SQLE: variants seen among roughly 807,000 people sequenced by gnomAD.
The protein encoded by SQLE is squalene monooxygenase.
SQLE carries 29 observed loss-of-function variants against 60.7 expected under a neutral mutation model. That is an observed-to-expected ratio of 0.48 (90% CI 0.36 to 0.65). SQLE has a LOEUF of 0.65. Ranked by LOEUF, SQLE falls within the 30% of genes least tolerant of loss-of-function variation. SQLE has a pLI of 0.00. For synonymous variants in SQLE, 237 were observed against 246.8 expected (o/e 0.96, Z 0.37); for missense variants, 605 against 684.1 (o/e 0.88, Z 1.29).
chr8:125,014,749 T>C (rs1480889147), intron 7 of SQLE, among the ~76,000 whole-genome samples: 1 of 152,248 alleles, frequency 6.6e-6, no homozygotes, highest in African/African-American at 2.4e-5. Flanking sequence ...GATTTCTAGT[T>C]TTATTCCACT....
chr8:125,009,960 A>G (rs1302080187), intron 6 of SQLE, among the ~76,000 whole-genome samples: 1 of 152,206 alleles, frequency 6.6e-6, no homozygotes, highest in African/African-American at 2.4e-5. Context: ...TGGTTTTTGT[A>G]GTAATGACAG....
Position 125,008,984 on chromosome 8 carries a change from C to A in SQLE, c.836C>A (p.Pro279Gln). 1 of 1,582,552 alleles carries A rather than the reference C, an allele frequency of 6.3e-7. No individual in the cohort carries two copies. The part of the protein sequence containing the change: ...ETGDIKELHA[P>Q]LTVVADGLFS... ...TTTCTGTTATAGGAACTCCATGCTC[C>A]ACTGACTGTTGTTGCAGATGGGCTT... The change falls in exon 5 of 11, where the codon CCA (proline) becomes CAA (glutamine). Residue 279 changes from proline (P) to glutamine (Q), a missense_variant. Transcript: ENST00000265896.
chr8:125,003,192 A>G lies in SQLE; in HGVS notation c.308A>G (p.Asn103Ser), dbSNP rs756941260. 6.8e-6 allele frequency: 11 copies of G among 1,609,694 alleles called. No individual in the cohort carries two copies. Among genetic ancestry groups the G allele is most frequent in the Non-Finnish European group, 3.4e-6 (4 of 1,178,506 alleles). ...LEARRRRKGT[N>S]ISETSLIGTA... is the part of the protein sequence containing the mutation. ...TTTAAACAGCGCAGAAAAGGAACCA[A>G]TATTTCAGAAACAAGCTTAATAGGA... The change falls in exon 2 of 11, where the codon AAT becomes AGT. Residue 103 changes from asparagine (N) to serine (S), a missense_variant. Coordinates refer to ENST00000265896, the MANE Select transcript of SQLE (RefSeq NM_003129.4).
intron 7 of SQLE, among the ~76,000 whole-genome samples, chr8:125,017,279 A>G (rs911849106): frequency 4.6e-5 from 7 of 151,904 alleles, no homozygotes; most frequent in African/African-American, 1.7e-4. Flanking sequence ...GAAACTTAGG[A>G]ATCTACTTGG....
intron 9 of SQLE, among the ~76,000 whole-genome samples, chr8:125,019,896 G>T (rs1052729844): frequency 3.9e-5 from 6 of 151,990 alleles, no homozygotes; most frequent in African/African-American, 1.4e-4. Flanking sequence ...AATCTCACTG[G>T]TTATGATTTT....
intron 7 of SQLE, 149 bp from the exon 8 acceptor site, chr8:125,017,910 C>T: frequency 2.0e-6 from 2 of 978,770 alleles, no homozygotes; most frequent in Non-Finnish European, 1.5e-6. Flanking sequence ...ATTTTTGCCT[C>T]AGCAAATTTT....
chr8:125,013,932 T>C (rs1264164154), intron 7 of SQLE, among the ~76,000 whole-genome samples: 1 of 152,228 alleles, frequency 6.6e-6, no homozygotes, highest in Non-Finnish European at 1.5e-5. Context: ...TGCATTTCTT[T>C]TGTTAAATTT....
chr8:125,008,632 G>C (rs1814994620), intron 4 of SQLE, among the ~76,000 whole-genome samples: 2 of 152,198 alleles, frequency 1.3e-5, no homozygotes, highest in South Asian at 2.1e-4. Flanking sequence ...AATCTGGCTA[G>C]TCCCTTGAAT....
Position 124,999,319 on chromosome 8 carries a change from G to T in SQLE, c.-85G>T. On this transcript the variant is annotated 5_prime_UTR_variant, in exon 1 of 11. Coordinates refer to ENST00000265896, the MANE Select transcript of SQLE (RefSeq NM_003129.4). ...CTGGCCGGCTCTCCGTGCTCCTCTTGGTACCTCATTTTGGGGAGAACCTTA... is the reference window on the plus strand; with the variant it reads ...CTGGCCGGCTCTCCGTGCTCCTCTTTGTACCTCATTTTGGGGAGAACCTTA... 1.5e-6 allele frequency: 2 copies of T among 1,352,488 alleles called. No homozygotes were observed. The highest frequency in any genetic ancestry group is 1.9e-6 in the Non-Finnish European group (2 of 1,038,536). The allele number at this position is 1,352,488 out of a possible 1,614,324, so 83.8% of individuals were successfully genotyped here. A position where few individuals can be genotyped will look rare whatever the true frequency, so the allele number is the denominator to read the frequency against.
At chr8:125,020,032 AAAG>A (rs1241423907) in intron 9 of SQLE, among the ~76,000 whole-genome samples, 2 of 152,318 alleles carry the variant, frequency 1.3e-5, no homozygotes, top group African/African-American at 4.8e-5. Context: ...GGGCAAATAA[AAAG>A]AACTAAATTT....
chr8:125,006,997 C>T (rs1291235943), intron 3 of SQLE, among the ~76,000 whole-genome samples: 1 of 152,178 alleles, frequency 6.6e-6, no homozygotes, highest in African/African-American at 2.4e-5. Context: ...GCCACCGTGC[C>T]CTGCCAGAAA....
intron 1 of SQLE, 61 bp downstream of exon 1, chr8:124,999,755 C>A: frequency 6.7e-7 from 1 of 1,498,144 alleles, no homozygotes; most frequent in Non-Finnish European, 8.9e-7. Flanking sequence ...TGGGTTCACT[C>A]AAATATAAGT....
Position 124,998,651 on chromosome 8 carries a change from C to T in SQLE, c.-753C>T, listed in dbSNP as rs900195934. The T allele has an allele frequency of 3.0e-6, 2 of 671,394 alleles. No homozygotes were observed. The highest frequency in any genetic ancestry group is 5.4e-6 in the Non-Finnish European group (2 of 369,744). The allele number at this position is 671,394 out of a possible 1,614,324, so 41.6% of individuals were successfully genotyped here. On this transcript the variant is annotated 5_prime_UTR_variant, in exon 1 of 11. Transcript: ENST00000265896. ...CGCCGCCGCCATCTGAGGGAGGTAC[C>T]CTGGAAACCACCTTTTATCGGTGGG...
chr8:125,015,511 A>G (rs942376758), intron 7 of SQLE, among the ~76,000 whole-genome samples: 2 of 151,926 alleles, frequency 1.3e-5, no homozygotes, highest in Non-Finnish European at 2.9e-5. Context: ...AGTATGTTTT[A>G]ATTTCTTGCT....
In SQLE at chr8:125,018,539, T is replaced by C. The variant is rs1432657239; in HGVS notation, c.1348-92T>C. On this transcript the variant is annotated intron_variant, in intron 8 of 10. Coordinates refer to ENST00000265896, the MANE Select transcript of SQLE (RefSeq NM_003129.4). ...GGCAATATTACTTGCAGATAGTCCT[T>C]AGAAGGATAAGTATCAGTTTGAGGG... is the stretch of plus-strand genomic sequence containing the variant. 5 of 818,932 alleles carry C rather than the reference T, an allele frequency of 6.1e-6. No homozygotes were observed. The African/African-American group carries it at 7.0e-5, about 11-fold the overall frequency. The allele number at this position is 818,932 out of a possible 1,614,324, so 50.7% of individuals were successfully genotyped here.
intron 6 of SQLE, 172 bp from the exon 7 acceptor site, chr8:125,011,365 A>C: frequency 2.1e-6 from 1 of 465,242 alleles, no homozygotes; most frequent in Non-Finnish European, 3.7e-6. Flanking sequence ...TAAGTGCTTA[A>C]TGAATAATTT....
Position 125,007,685 on chromosome 8 carries a change from G to A in SQLE, c.822+198G>A, listed in dbSNP as rs531399282. On this transcript the variant is annotated intron_variant, in intron 4 of 10. Coordinates refer to ENST00000265896, the MANE Select transcript of SQLE (RefSeq NM_003129.4). ...CTTACCAGTTGAGCATCTCTAATCTGAAAATCTGAAATTTGAAATGATCTA... is the reference window on the plus strand; with the variant it reads ...CTTACCAGTTGAGCATCTCTAATCTAAAAATCTGAAATTTGAAATGATCTA... Among the ~76,000 whole-genome samples the A allele has an allele frequency of 3.3e-5, 5 of 152,156 alleles. No homozygotes were observed. In the South Asian group the frequency reaches 1.0e-3, roughly 32 times the overall value.
chr8:125,002,635 C>A (rs1314890682), intron 1 of SQLE, among the ~76,000 whole-genome samples: 5 of 152,130 alleles, frequency 3.3e-5, no homozygotes, highest in African/African-American at 1.2e-4. Flanking sequence ...CGAGATTGCG[C>A]CATTGCACTC....
At chr8:125,021,698 T>C (rs1815208127) in intron 10 of SQLE, 55 bp from the exon 11 acceptor site, 15 of 1,306,452 alleles carry the variant, frequency 1.1e-5, no homozygotes, top group South Asian at 1.5e-5. Context: ...ATTGGAACCT[T>C]TGGAGTAAAT....
Sources: allele counts gnomAD v4.1 joint callset (sites outside exome capture counted in the v4.1 genomes callset), GRCh38; gene constraint gnomAD v4.1.1; transcripts MANE v1.5; gene names NCBI Gene and HGNC (gene_info 2026-07-23, HGNC 2026-07-21).